MTAP: variants seen among roughly 807,000 people sequenced by gnomAD.
MTAP encodes the protein methylthioadenosine phosphorylase, also known as S-methyl-5'-thioadenosine phosphorylase.
Under a neutral mutation model 33.6 loss-of-function variants are expected in MTAP, and 33 were observed. The observed-to-expected ratio is 0.98, with a 90% CI of 0.74 to 1.31. The LOEUF is 1.31. Among genes scored for constraint, MTAP ranks in the 40% most tolerant of loss-of-function variants. The pLI, the probability that MTAP is intolerant of heterozygous loss-of-function variation, is 0.00. For missense variants in MTAP, 367 were observed against 360.0 expected (o/e 1.02, Z -0.16); for synonymous variants, 148 against 125.7 (o/e 1.18, Z -1.19).
chr9:21,918,112 AGG>A, intron 1 of MTAP, among the ~76,000 whole-genome samples: 1 of 148,370 alleles, frequency 6.7e-6, no homozygotes, highest in African/African-American at 2.6e-5. Flanking sequence ...GCACTTTGGG[AGG>A]CCGAGGCGGG....
chr9:21,861,895 C>A, intron 7 of MTAP, 81 bp from the exon 8 acceptor site: 2 of 914,216 alleles, frequency 2.2e-6, no homozygotes, highest in African/African-American at 1.7e-5. Flanking sequence ...TCTAGAAAAT[C>A]AAAATCTGTT....
rs549911383 is a variant in MTAP, at chr9:21,833,063, C to T, written c.348-4845C>T. 5.9e-5 allele frequency among the ~76,000 whole-genome samples: 9 copies of T among 152,276 alleles called. No homozygotes were observed. In the South Asian group the frequency reaches 1.7e-3, roughly 28 times the overall value. On this transcript the variant is annotated intron_variant, in intron 4 of 7. Transcript: ENST00000644715. ...TGGTACCTGTTTATTGAGCAGCCTT[C>T]CTTGACTGGGATATAAACATCCATT...
At chr9:21,938,970 C>T (rs1819088737), downstream of MTAP, among the ~76,000 whole-genome samples, 1 of 152,162 alleles carries the variant, frequency 6.6e-6, no homozygotes, top group South Asian at 2.1e-4. Context: ...GGCTGTGTCC[C>T]TACTGAAATC....
At chr9:21,867,836 C>A (rs1825878628), downstream of MTAP, among the ~76,000 whole-genome samples, 1 of 152,100 alleles carries the variant, frequency 6.6e-6, no homozygotes. Flanking sequence ...CATCTTGGAA[C>A]TGTTATAGGC....
downstream of MTAP, among the ~76,000 whole-genome samples, chr9:21,870,893 C>G (rs961249326): frequency 6.6e-6 from 1 of 151,292 alleles, no homozygotes; most frequent in African/African-American, 2.4e-5. Flanking sequence ...GCCTCAGCCT[C>G]CCAAGTAGCT....
intron 1 of MTAP, among the ~76,000 whole-genome samples, chr9:21,929,215 G>A (rs1031650733): frequency 9.9e-5 from 15 of 152,040 alleles, no homozygotes; most frequent in Admixed American, 7.9e-4. Context: ...AACACCCTCA[G>A]CTCCAGAATA....
intron 1 of MTAP, among the ~76,000 whole-genome samples, chr9:21,926,771 A>G (rs1818876002): frequency 6.6e-6 from 1 of 152,174 alleles, no homozygotes; most frequent in African/African-American, 2.4e-5. Flanking sequence ...TAGTCCAGAC[A>G]CTAGATTTTC....
chr9:21,912,248 C>T (rs202140521), intron 1 of MTAP, among the ~76,000 whole-genome samples: 20 of 152,128 alleles, frequency 1.3e-4, no homozygotes, highest in Admixed American at 2.6e-4. Context: ...TTCCAATCAA[C>T]AGAAAAAGAG....
downstream of MTAP, chr9:21,931,277 C>T (rs890586885): frequency 6.8e-6 from 4 of 590,646 alleles, no homozygotes; most frequent in African/African-American, 5.6e-5. Context: ...TGACCTTCAT[C>T]CAGTTTCCCA....
exon 8 of MTAP, chr9:21,936,435 TTG>T (rs1382928651): frequency 6.6e-6 from 1 of 152,258 alleles, no homozygotes; most frequent in African/African-American, 2.4e-5. Context: ...TAGCTTCTCA[TTG>T]TTAACTTATG....
chr9:21,827,942 A>G (rs1824864211), intron 4 of MTAP, among the ~76,000 whole-genome samples: 1 of 152,208 alleles, frequency 6.6e-6, no homozygotes, highest in African/African-American at 2.4e-5. Flanking sequence ...TGATACTGTA[A>G]AGTCTGAATT....
At chr9:21,854,431 G>A (rs1825587292) in intron 5 of MTAP, among the ~76,000 whole-genome samples, 200 bp from the exon 6 acceptor site, 2 of 152,196 alleles carry the variant, frequency 1.3e-5, no homozygotes. Flanking sequence ...GGGGAAACAG[G>A]ATTATGTGAA....
chr9:21,855,268 G>A (rs1032653094), intron 6 of MTAP, among the ~76,000 whole-genome samples: 3 of 152,100 alleles, frequency 2.0e-5, no homozygotes, highest in Admixed American at 6.5e-5. Flanking sequence ...TCTATTTAAC[G>A]TACCGTGGCT....
chr9:21,919,810 G>A (rs1818758862), intron 1 of MTAP, among the ~76,000 whole-genome samples: 1 of 152,144 alleles, frequency 6.6e-6, no homozygotes, highest in African/African-American at 2.4e-5. Context: ...AAATAAGCCA[G>A]AGAATGTTCA....
exon 8 of MTAP, chr9:21,936,200 A>G (rs1819039820): frequency 6.6e-6 from 1 of 152,192 alleles, no homozygotes; most frequent in Non-Finnish European, 1.5e-5. Flanking sequence ...ATGTATTTGA[A>G]TTTAACTCCA....
At chr9:21,903,361 C>T (rs556110443) in intron 1 of MTAP, among the ~76,000 whole-genome samples, 2 of 152,234 alleles carry the variant, frequency 1.3e-5, no homozygotes, top group African/African-American at 4.8e-5. Context: ...ACATCCTTTA[C>T]TGATAATATG....
intron 1 of MTAP, among the ~76,000 whole-genome samples, chr9:21,891,426 A>C (rs1376073411): frequency 6.6e-6 from 1 of 152,234 alleles, no homozygotes; most frequent in Non-Finnish European, 1.5e-5. Flanking sequence ...AAAAGATCAA[A>C]ATAGCCATTT....
chr9:21,855,488 T>C (rs1825620238), intron 6 of MTAP, among the ~76,000 whole-genome samples: 1 of 152,104 alleles, frequency 6.6e-6, no homozygotes, highest in Admixed American at 6.6e-5. Context: ...CCTTCCTGTT[T>C]TAAGTGTGAT....
intron 1 of MTAP, among the ~76,000 whole-genome samples, chr9:21,915,936 G>A (rs1818680598): frequency 6.6e-6 from 1 of 151,978 alleles, no homozygotes; most frequent in Admixed American, 6.6e-5. Context: ...TTGAGAGGCT[G>A]AGATGGAAGG....
Sources: gnomAD v4.1 joint callset for allele counts (sites outside exome capture counted in the v4.1 genomes callset) on GRCh38, gnomAD v4.1.1 for gene constraint, MANE v1.5 for transcripts, NCBI Gene and HGNC (gene_info 2026-07-23, HGNC 2026-07-21) for gene names.